PLP2: variants seen among roughly 807,000 people sequenced by gnomAD.
PLP2 encodes the protein A4 differentiation-dependent protein.
In PLP2, 8 loss-of-function variants were observed where a neutral mutation model predicts 11.4. That is an observed-to-expected ratio of 0.70 (90% CI 0.41 to 1.27). The LOEUF (loss-of-function observed/expected upper bound fraction) is 1.27, where lower values mean the gene tolerates loss of function less well. Among genes scored for constraint, PLP2 ranks in the 50% most tolerant of loss-of-function variants. The probability of loss-of-function intolerance (pLI) is 0.01; values close to 1 mark genes in which losing one functional copy is unlikely to be tolerated. For missense variants in PLP2, 127 were observed against 123.5 expected, an observed-to-expected ratio of 1.03 and a Z score of -0.14; for synonymous variants, 50 against 53.2, an observed-to-expected ratio of 0.94 and a Z score of 0.26.
chrX:49,174,674 C>G lies in PLP2; in HGVS notation c.439C>G (p.Pro147Ala), dbSNP rs1569526029. The G allele has an allele frequency of 3.3e-6, 4 of 1,206,290 alleles. No homozygotes were observed. Among genetic ancestry groups the G allele is most frequent in the Non-Finnish European group, 4.5e-6 (4 of 890,774 alleles). The change falls in exon 5 of 5, where the codon CCC becomes GCC. Residue 147 changes from proline (P) to alanine (A), a missense_variant and splice_region_variant. By Grantham distance (27) the Pro-to-Ala change is conservative (BLOSUM62 -1). Coordinates refer to ENST00000376327, the MANE Select transcript of PLP2 (RefSeq NM_002668.3). ...QPRHTAAPTD[P>A]ADGPV Reference sequence around the variant, plus strand: ...TTCTCTCTTTTCCTCACCTGCAGACCCCGCAGATGGCCCGGTGTAGGCGAA... The same window carrying G: ...TTCTCTCTTTTCCTCACCTGCAGACGCCGCAGATGGCCCGGTGTAGGCGAA...
intron 3 of PLP2, 100 bp from the exon 4 acceptor site, chrX:49,174,235 T>TCCG: frequency 1.6e-6 from 1 of 634,522 alleles, no homozygotes; most frequent in Non-Finnish European, 2.6e-6. Flanking sequence ...AGTCCCATCC[T>TCCG]GCGTGGGGCA....
chrX:49,173,790 G>A (rs189859372), intron 3 of PLP2: 387 of 444,009 alleles, frequency 8.7e-4, no homozygotes, highest in Non-Finnish European at 1.3e-3. Context: ...GGGGCCGGGC[G>A]CAGTGGCTCA....
chrX:49,174,613 G>A (rs1415922916), intron 4 of PLP2, 59 bp from the exon 5 acceptor site: 4 of 1,109,583 alleles, frequency 3.6e-6, no homozygotes, highest in African/African-American at 1.8e-5. Flanking sequence ...TTTGGATCTT[G>A]TTTTAAAAAA....
chrX:49,173,145 T>A lies in PLP2; in HGVS notation c.113T>A (p.Ile38Asn). ...LFAEIILCLVILICFSASTPG... is the reference protein window; with the variant it reads ...LFAEIILCLVNLICFSASTPG... The stretch of plus-strand genomic sequence containing the variant: ...CCCTTCCAGATATTATGCCTGGTGA[T>A]CCTGATCTGCTTCAGTGCCTCCACA... The change falls in exon 2 of 5, where the codon ATC (isoleucine) becomes AAC (asparagine). Residue 38 changes from isoleucine to asparagine, a missense_variant. Transcript: ENST00000376327. 1 of 1,210,198 alleles carries A rather than the reference T, an allele frequency of 8.3e-7. No homozygotes were observed. Among genetic ancestry groups the A allele is most frequent in the South Asian group, 1.8e-5 (1 of 56,901 alleles).
At chrX:49,172,543 G>C (rs190149816) in intron 1 of PLP2, among the ~76,000 whole-genome samples, 1 of 112,439 alleles carries the variant, frequency 8.9e-6, no homozygotes, top group Non-Finnish European at 1.9e-5. Flanking sequence ...CCCGCCCTTC[G>C]CCAGTTCTTC....
At chrX:49,172,854 CCTTA>C (rs1237876231) in intron 1 of PLP2, among the ~76,000 whole-genome samples, 1 of 112,380 alleles carries the variant, frequency 8.9e-6, no homozygotes, top group African/African-American at 3.2e-5. Context: ...CAACTCTACT[CCTTA>C]CTTGTTGGGT....
chrX:49,172,119 G>A (rs2065394759), intron 1 of PLP2, 23 bp downstream of exon 1: 5 of 1,082,217 alleles, frequency 4.6e-6, no homozygotes, highest in African/African-American at 1.8e-5. Context: ...GGGCAGGCGC[G>A]TGGGCAAAAG....
At position 49,174,924 on chromosome X, in the gene PLP2, C is replaced by T. The variant is rs782751362; in HGVS notation, c.*230C>T. On this transcript the variant is annotated 3_prime_UTR_variant, in exon 5 of 5. Transcript: ENST00000376327. ...CTTCTGCACGATCCAATAGGAGACA[C>T]CAGTTCTGACTGAACCATGCCCCCA... 65 of 453,459 alleles carry T rather than the reference C, an allele frequency of 1.4e-4. No individual in the cohort carries two copies. Among genetic ancestry groups the T allele is most frequent in the Non-Finnish European group, 2.4e-4 (61 of 255,350 alleles). The allele number at this position is 453,459 out of a possible 1,213,427, so 37.4% of individuals were successfully genotyped here.
At chrX:49,174,272 G>A (rs1384609311) in intron 3 of PLP2, 63 bp from the exon 4 acceptor site, 1 of 836,612 alleles carries the variant, frequency 1.2e-6, no homozygotes, top group Non-Finnish European at 1.8e-6. Flanking sequence ...GATACAAGAA[G>A]ATAAGAGACT....
In PLP2 at chrX:49,172,057, C is replaced by A. The variant is rs1355158270; in HGVS notation, c.57C>A (p.Phe19Leu). The A allele has an allele frequency of 8.3e-7, 1 of 1,206,450 alleles. No homozygotes were observed. The highest frequency in any genetic ancestry group is 1.1e-6 in the Non-Finnish European group (1 of 891,694). The change falls in exon 1 of 5, where the codon TTC (phenylalanine) becomes TTA (leucine). Residue 19 changes from phenylalanine (F) to leucine (L), a missense_variant. Transcript: ENST00000376327. ...GCTGCTGGGCCGCCTGCACCAACTT[C>A]TCGCGCACTCGAAAGGGAATCCTCC... ...APGCWAACTNFSRTRKGILLF... is the reference protein window; with the variant it reads ...APGCWAACTNLSRTRKGILLF...
chrX:49,174,947 C>T lies in PLP2; in HGVS notation c.*253C>T. On this transcript the variant is annotated 3_prime_UTR_variant, in exon 5 of 5. Coordinates refer to ENST00000376327, the MANE Select transcript of PLP2 (RefSeq NM_002668.3). ...CACCAGTTCTGACTGAACCATGCCC[C>T]CACCTAAGTCACAAAATGAGGGAAG... is the stretch of plus-strand genomic sequence containing the variant. 2.3e-6 allele frequency: 1 copy of T among 439,687 alleles called. No individual in the cohort carries two copies. The highest frequency in any genetic ancestry group is 4.0e-6 in the Non-Finnish European group (1 of 249,814). 36.2% of individuals were successfully genotyped at this position (439,687 alleles called of 1,213,427 possible).
At chrX:49,173,663 GA>G (rs1433290555) in intron 3 of PLP2, 180 bp downstream of exon 3, 33 of 981,410 alleles carry the variant, frequency 3.4e-5, no homozygotes, top group Non-Finnish European at 4.3e-5. Flanking sequence ...CATTTGCTGT[GA>G]AGGGAAGTCC....
intron 1 of PLP2, 34 bp downstream of exon 1, chrX:49,172,130 C>A: frequency 9.9e-7 from 1 of 1,014,745 alleles, no homozygotes; most frequent in Non-Finnish European, 1.4e-6. Context: ...TGGGCAAAAG[C>A]GGGATGGGGT....
intron 3 of PLP2, chrX:49,173,797 C>T: frequency 2.3e-6 from 1 of 437,272 alleles, no homozygotes; most frequent in Non-Finnish European, 4.0e-6. Flanking sequence ...GGCGCAGTGG[C>T]TCATGCCTGT....
rs1557099406 is a variant in PLP2 at position 49,173,228 on chromosome X, G to A, written c.196G>A (p.Val66Ile). Reference protein sequence around the residue: ...EMILAAIFFVVYMCDLHTKIP... With the variant: ...EMILAAIFFVIYMCDLHTKIP... ...GATCCTTGCTGCTATTTTCTTTGTTGTCTACATGTGTGACCTGCACACCAA... is the reference window on the plus strand; with the variant it reads ...GATCCTTGCTGCTATTTTCTTTGTTATCTACATGTGTGACCTGCACACCAA... Residue 66 changes from valine to isoleucine, a missense_variant, in exon 2 of 5, where the codon GTC becomes ATC. Val to Ile is a conservative substitution (Grantham distance 29, BLOSUM62 3). Transcript: ENST00000376327. The A allele has an allele frequency of 2.5e-6, 3 of 1,208,755 alleles. No homozygotes were observed. Among genetic ancestry groups the A allele is most frequent in the East Asian group, 3.0e-5 (1 of 33,754 alleles).
intron 3 of PLP2, 51 bp downstream of exon 3, chrX:49,173,534 C>A (rs781819247): frequency 1.7e-6 from 2 of 1,209,973 alleles, no homozygotes; most frequent in Non-Finnish European, 2.2e-6. Context: ...GTTTGAGGAG[C>A]CAGGGACCAT....
rs781815120 is a variant in PLP2 at position 49,172,028 on chromosome X, C to T, written c.28C>T (p.Pro10Ser). The change falls in exon 1 of 5, where the codon CCT becomes TCT. Residue 10 changes from proline to serine, a missense_variant. Pro to Ser is a moderately conservative substitution (Grantham distance 74). Coordinates refer to ENST00000376327, the MANE Select transcript of PLP2 (RefSeq NM_002668.3). ...GGCGGATTCTGAGCGCCTCTCGGCTCCTGGCTGCTGGGCCGCCTGCACCAA... is the reference window on the plus strand; with the variant it reads ...GGCGGATTCTGAGCGCCTCTCGGCTTCTGGCTGCTGGGCCGCCTGCACCAA... MADSERLSA[P>S]GCWAACTNFS... 73 of 1,207,058 alleles carry T rather than the reference C, an allele frequency of 6.0e-5. No individual in the cohort carries two copies. The African/African-American group carries it at 1.2e-3, about 20-fold the overall frequency.
rs782433320 is a variant in PLP2, at chrX:49,175,052, T to C, written c.*358T>C. 3.5e-5 allele frequency: 12 copies of C among 345,261 alleles called. No individual in the cohort carries two copies. The highest frequency in any genetic ancestry group is 5.5e-5 in the South Asian group (1 of 18,249). The allele number at this position is 345,261 out of a possible 1,213,427, so 28.5% of individuals were successfully genotyped here. A position where few individuals can be genotyped will look rare whatever the true frequency, so the allele number is the denominator to read the frequency against. ...CTCCTCGGTGTGGGTGGTGGTTCTA[T>C]AGAGGGATAAATGAATAATAAACAT... On this transcript the variant is annotated 3_prime_UTR_variant, in exon 5 of 5. Transcript: ENST00000376327.
rs782524273 is a variant in PLP2 at position 49,174,681 on chromosome X, A to T, written c.446A>T (p.Asp149Val). The T allele has an allele frequency of 1.7e-6, 2 of 1,204,960 alleles. No individual in the cohort carries two copies. Among genetic ancestry groups the T allele is most frequent in the Admixed American group, 4.4e-5 (2 of 45,676 alleles). ...TTTTCCTCACCTGCAGACCCCGCAG[A>T]TGGCCCGGTGTAGGCGAACTTCCCT... is the stretch of plus-strand genomic sequence containing the variant. ...RHTAAPTDPA[D>V]GPV The change falls in exon 5 of 5, where the codon GAT (aspartate) becomes GTT (valine). Residue 149 changes from aspartate (D) to valine (V), a missense_variant. By Grantham distance (152) the Asp-to-Val change is radical. Transcript: ENST00000376327.
Sources: allele counts gnomAD v4.1 joint callset (sites outside exome capture counted in the v4.1 genomes callset), GRCh38; gene constraint gnomAD v4.1.1; transcripts MANE v1.5; gene names NCBI Gene and HGNC (gene_info 2026-07-23, HGNC 2026-07-21).